Variants in PLXNA4 observed in about 807,000 individuals in gnomAD.
PLXNA4 encodes the protein plexin A4.
PLXNA4 carries 44 observed loss-of-function variants against 191.8 expected under a neutral mutation model. The ratio of observed to expected loss-of-function variants is 0.23; its 90% CI spans 0.18 to 0.29. The LOEUF (loss-of-function observed/expected upper bound fraction) is 0.29. PLXNA4 is among the 10% of genes least tolerant of loss of function. The probability of loss-of-function intolerance (pLI) is 1.00; values close to 1 mark genes in which losing one functional copy is unlikely to be tolerated. For missense variants in PLXNA4, 1,800 were observed against 2,488.8 expected (o/e 0.72, Z 5.89); for synonymous variants, 1,082 against 1,009.5 (o/e 1.07, Z -1.36).
chr7:132,246,606 G>T (rs557309839), intron 4 of PLXNA4, among the ~76,000 whole-genome samples: 1 of 152,092 alleles, frequency 6.6e-6, no homozygotes, highest in Admixed American at 6.5e-5. Flanking sequence ...TCACTCATGT[G>T]CCCTTCCCCA....
At chr7:132,162,373 TG>T (rs1795977347) in intron 24 of PLXNA4, among the ~76,000 whole-genome samples, 1 of 152,210 alleles carries the variant, frequency 6.6e-6, no homozygotes, top group Admixed American at 6.5e-5. Context: ...TACTGGTCCC[TG>T]AACCACTCCA....
intron 4 of PLXNA4, among the ~76,000 whole-genome samples, chr7:132,255,612 G>A (rs892113686): frequency 1.3e-5 from 2 of 152,192 alleles, no homozygotes; most frequent in African/African-American, 4.8e-5. Context: ...TGGAAAAGGA[G>A]TCAGAACTGA....
At chr7:132,324,532 T>A (rs1802289203) in intron 3 of PLXNA4, among the ~76,000 whole-genome samples, 1 of 152,224 alleles carries the variant, frequency 6.6e-6, no homozygotes, top group Non-Finnish European at 1.5e-5. Context: ...TGGAGTTTAA[T>A]CTGAATGGCT....
intron 1 of PLXNA4, among the ~76,000 whole-genome samples, chr7:132,515,607 C>T (rs150674776): frequency 1.6e-4 from 25 of 152,316 alleles, no homozygotes; most frequent in African/African-American, 5.5e-4. Flanking sequence ...TAGCGAGGCA[C>T]AATCCCAGGT....
chr7:132,306,113 G>A (rs1801510624), intron 3 of PLXNA4, among the ~76,000 whole-genome samples: 1 of 152,184 alleles, frequency 6.6e-6, no homozygotes, highest in African/African-American at 2.4e-5. Flanking sequence ...GACAGAAGGA[G>A]GTCAGGCCTT....
At chr7:132,294,574 T>G (rs1771993937) in intron 4 of PLXNA4, among the ~76,000 whole-genome samples, 1 of 152,150 alleles carries the variant, frequency 6.6e-6, no homozygotes, top group Non-Finnish European at 1.5e-5. Flanking sequence ...GGAGGGCTAT[T>G]GCAAATATTC....
intron 16 of PLXNA4, among the ~76,000 whole-genome samples, chr7:132,184,202 C>T (rs951811591): frequency 1.3e-5 from 2 of 152,234 alleles, no homozygotes; most frequent in African/African-American, 4.8e-5. Context: ...AGTGAGAAGC[C>T]TGGTCCCAGC....
chr7:132,638,983 G>A (rs968457974), intron 2 of PLXNA4, among the ~76,000 whole-genome samples: 9 of 152,098 alleles, frequency 5.9e-5, no homozygotes, highest in East Asian at 1.9e-4. Flanking sequence ...TTACACCCAC[G>A]TGTCCAGCAC....
chr7:132,158,283 A>C (rs1795850745), intron 25 of PLXNA4, among the ~76,000 whole-genome samples: 1 of 152,220 alleles, frequency 6.6e-6, no homozygotes, highest in Non-Finnish European at 1.5e-5. Context: ...GGAGGCAATG[A>C]AAATTCCCTC....
At chr7:132,493,755 A>ATGGGTGGATGGGTGGATGGG (rs1563131893) in intron 2 of PLXNA4, among the ~76,000 whole-genome samples, 1 of 12,054 alleles carries the variant, frequency 8.3e-5, no homozygotes, top group African/African-American at 1.9e-4. Context: ...GGGTGGATGG[A>ATGGGTGGATGGGTGGATGGG]TGGATGGATG....
At chr7:132,564,021 T>C (rs932206058) in intron 1 of PLXNA4, among the ~76,000 whole-genome samples, 23 of 19,046 alleles carry the variant, frequency 1.2e-3, no homozygotes, top group East Asian at 3.4e-3. Flanking sequence ...TCCTCCTCCT[T>C]CTCCTCCTCC....
At chr7:132,160,551 G>T (rs954528496) in intron 24 of PLXNA4, among the ~76,000 whole-genome samples, 13 of 152,184 alleles carry the variant, frequency 8.5e-5, no homozygotes, top group African/African-American at 2.4e-4. Context: ...GGAGGGGAAC[G>T]GGGTGGGTGC....
intron 3 of PLXNA4, among the ~76,000 whole-genome samples, chr7:132,420,606 A>G (rs928360762): frequency 6.6e-6 from 1 of 152,158 alleles, no homozygotes; most frequent in African/African-American, 2.4e-5. Context: ...CATTTTAACA[A>G]TTTTTTTAAG....
chr7:132,274,169 G>A (rs1800183673), intron 4 of PLXNA4, among the ~76,000 whole-genome samples: 1 of 152,082 alleles, frequency 6.6e-6, no homozygotes, highest in African/African-American at 2.4e-5. Flanking sequence ...AGGTGCTGGA[G>A]ACAGGGAGAG....
At chr7:132,646,928 T>A (rs1803881048) in intron 1 of PLXNA4, among the ~76,000 whole-genome samples, 1 of 151,014 alleles carries the variant, frequency 6.6e-6, no homozygotes, top group Non-Finnish European at 1.5e-5. Context: ...TACACACACA[T>A]GCAGTCACAC....
chr7:132,420,122 C>A (rs1011487104), intron 3 of PLXNA4, among the ~76,000 whole-genome samples: 1 of 152,276 alleles, frequency 6.6e-6, no homozygotes, highest in Admixed American at 6.5e-5. Flanking sequence ...GGATCCCCAC[C>A]AACCTCTTCC....
chr7:132,243,862 T>C (rs1798961827), intron 4 of PLXNA4, among the ~76,000 whole-genome samples: 1 of 152,130 alleles, frequency 6.6e-6, no homozygotes, highest in Non-Finnish European at 1.5e-5. Context: ...TTCCAAGGCT[T>C]CAGGAACTCT....
intron 20 of PLXNA4, among the ~76,000 whole-genome samples, chr7:132,176,885 T>G (rs1796485649): frequency 6.6e-6 from 1 of 151,828 alleles, no homozygotes; most frequent in Admixed American, 6.5e-5. Flanking sequence ...AGTGCATGCG[T>G]CTATGTGTGC....
intron 3 of PLXNA4, among the ~76,000 whole-genome samples, chr7:132,369,234 C>A (rs1804324328): frequency 6.6e-6 from 1 of 152,214 alleles, no homozygotes; most frequent in South Asian, 2.1e-4. Flanking sequence ...GTGGCCTAAG[C>A]CCCTCCTTTG....
Sources: gnomAD v4.1 joint callset for allele counts (sites outside exome capture counted in the v4.1 genomes callset) on GRCh38, gnomAD v4.1.1 for gene constraint, MANE v1.5 for transcripts, NCBI Gene and HGNC (gene_info 2026-07-23, HGNC 2026-07-21) for gene names.